FBH1: variants seen among roughly 807,000 people sequenced by gnomAD.
FBH1 encodes DNA 3'-5' helicase 1.
FBH1 carries 43 observed loss-of-function variants against 115.5 expected under a neutral mutation model. The observed-to-expected ratio is 0.37, with a 90% confidence interval of 0.29 to 0.48. FBH1 has a LOEUF of 0.48. Among genes scored for constraint, FBH1 ranks in the 20% least tolerant of loss-of-function variants. The pLI, the probability that FBH1 is intolerant of heterozygous loss-of-function variation, is 0.99. For missense variants in FBH1, 1,001 were observed against 1,337.3 expected, an observed-to-expected ratio of 0.75 and a Z score of 3.92; for synonymous variants, 524 against 507.8, an observed-to-expected ratio of 1.03 and a Z score of -0.43.
chr10:5,913,688 T>C lies in FBH1; in HGVS notation c.1212-59T>C. On this transcript the variant is annotated intron_variant, in intron 6 of 20. Transcript: ENST00000362091. The surrounding 1 kb of genome is among the most constrained non-coding windows in gnomAD (Gnocchi z 4.4). ...GAGTTTAAATCCATCTGAGGAAAAATAAGATGCAGATTGTGACTTGAATTT... is the reference window on the plus strand; with the variant it reads ...GAGTTTAAATCCATCTGAGGAAAAACAAGATGCAGATTGTGACTTGAATTT... The C allele has an allele frequency of 8.2e-7, 1 of 1,212,150 alleles. No individual in the cohort carries two copies. Among genetic ancestry groups the C allele is most frequent in the Non-Finnish European group, 1.1e-6 (1 of 871,924 alleles). The allele number at this position is 1,212,150 out of a possible 1,614,324, so 75.1% of individuals were successfully genotyped here. A position where few individuals can be genotyped will look rare whatever the true frequency, so the allele number is the denominator to read the frequency against.
intron 1 of FBH1, 83 bp downstream of exon 1, chr10:5,890,429 G>A (rs993513450): frequency 2.3e-5 from 8 of 352,584 alleles, no homozygotes; most frequent in Admixed American, 4.8e-5. Context: ...CCTGCGCGGG[G>A]GGTCCGGGCC....
intron 13 of FBH1, among the ~76,000 whole-genome samples, chr10:5,920,285 T>C (rs571608086): frequency 7.2e-5 from 11 of 152,354 alleles, no homozygotes; most frequent in Non-Finnish European, 1.5e-4. Context: ...TTTCATCACA[T>C]GGTGTTGAGG....
In FBH1 at chr10:5,915,598, T is replaced by G; in HGVS notation, c.1565+27T>G. ...TGAGTACTGCTGTCACTAGTGGCACTGTTGCTGCTGGCACGGTCGCGTCTT... is the reference window on the plus strand; with the variant it reads ...TGAGTACTGCTGTCACTAGTGGCACGGTTGCTGCTGGCACGGTCGCGTCTT... On this transcript the variant is annotated intron_variant, in intron 9 of 20. Transcript: ENST00000362091. This position sits in a 1 kb window ranked among gnomAD's most constrained non-coding sequence, Gnocchi z 5.2. 3.1e-6 allele frequency: 5 copies of G among 1,608,976 alleles called. No homozygotes were observed. Among genetic ancestry groups the G allele is most frequent in the Non-Finnish European group, 3.4e-6 (4 of 1,175,970 alleles).
In FBH1 at chr10:5,915,641, A is replaced by G; in HGVS notation, c.1565+70A>G. On this transcript the variant is annotated intron_variant, in intron 9 of 20. Coordinates refer to ENST00000362091, the MANE Select transcript of FBH1 (RefSeq NM_178150.3). This position sits in a 1 kb window ranked among gnomAD's most constrained non-coding sequence, Gnocchi z 5.2. ...CGCGTCTTACTGTTTTCCCGTGACG[A>G]TCACATGTGAGCTTACACCACAGTG... 6.9e-7 allele frequency: 1 copy of G among 1,447,590 alleles called. No individual in the cohort carries two copies. The highest frequency in any genetic ancestry group is 9.5e-7 in the Non-Finnish European group (1 of 1,047,884). 89.7% of individuals were successfully genotyped at this position (1,447,590 alleles called of 1,614,324 possible). A position where few individuals can be genotyped will look rare whatever the true frequency, so the allele number is the denominator to read the frequency against.
Position 5,914,993 on chromosome 10 carries a change from A to G in FBH1, c.1397-410A>G, listed in dbSNP as rs1564448937. 1.3e-5 allele frequency among the ~76,000 whole-genome samples: 2 copies of G among 152,164 alleles called. No individual in the cohort carries two copies. Among genetic ancestry groups the G allele is most frequent in the South Asian group, 4.1e-4 (2 of 4,828 alleles). ...CTTGCCCGGGGTTGAATAAGTGGAT[A>G]GGTGGTGGAGGTGGAATTCAAAGCT... On this transcript the variant is annotated intron_variant, in intron 8 of 20. Coordinates refer to ENST00000362091, the MANE Select transcript of FBH1 (RefSeq NM_178150.3). This position sits in a 1 kb window ranked among gnomAD's most constrained non-coding sequence, Gnocchi z 5.2.
In FBH1 at chr10:5,909,109, C is replaced by T; in HGVS notation, c.885-50C>T. On this transcript the variant is annotated intron_variant, in intron 4 of 20. Coordinates refer to ENST00000362091, the MANE Select transcript of FBH1 (RefSeq NM_178150.3). This position sits in a 1 kb window ranked among gnomAD's most constrained non-coding sequence, Gnocchi z 4.4. ...CGTCTTTGAAGTCTTCCTTGTACATCAGTGCTTATGGTCACCCTACTCATG... is the reference window on the plus strand; with the variant it reads ...CGTCTTTGAAGTCTTCCTTGTACATTAGTGCTTATGGTCACCCTACTCATG... 6.2e-7 allele frequency: 1 copy of T among 1,613,550 alleles called. No individual in the cohort carries two copies. The highest frequency in any genetic ancestry group is 8.5e-7 in the Non-Finnish European group (1 of 1,179,876).
chr10:5,909,453 G>A lies in FBH1; in HGVS notation c.1020+159G>A, dbSNP rs1312095080. The A allele has an allele frequency of 1.5e-5, 13 of 842,748 alleles. No individual in the cohort carries two copies. The highest frequency in any genetic ancestry group is 2.3e-5 in the Non-Finnish European group (13 of 569,646). 52.2% of individuals were successfully genotyped at this position (842,748 alleles called of 1,614,324 possible). On this transcript the variant is annotated intron_variant, in intron 5 of 20. Transcript: ENST00000362091. The surrounding 1 kb of genome is among the most constrained non-coding windows in gnomAD (Gnocchi z 4.4). ...ATTCATGTTGTCATTGTCCCCAGTG[G>A]AGAAATAAAAGGCCATATAATTGTA...
chr10:5,916,004 G>A, intron 9 of FBH1: 1 of 550,716 alleles, frequency 1.8e-6, no homozygotes, highest in South Asian at 2.1e-5. Flanking sequence ...TGGTGGAATA[G>A]CAGTGTCTGC....
At position 5,906,473 on chromosome 10, in the gene FBH1, G is replaced by A. The variant is rs1034553709; in HGVS notation, c.594G>A (p.Gly198=). ...GPDPIPDSYY[G]LLGTLPCQEA... ...ATCCCATTCCTGACTCATACTATGG[G>A]CTTCTTGGGACCTTGCCCTGCCAGG... Residue 198 remains glycine, a synonymous_variant, in exon 3 of 21, where the codon GGG becomes GGA. Transcript: ENST00000362091. This position sits in a 1 kb window ranked among gnomAD's most constrained non-coding sequence, Gnocchi z 7.3. The A allele has an allele frequency of 6.2e-7, 1 of 1,614,146 alleles. No homozygotes were observed. Among genetic ancestry groups the A allele is most frequent in the Admixed American group, 1.7e-5 (1 of 60,014 alleles).
In FBH1 at chr10:5,906,368, G is replaced by A; in HGVS notation, c.489G>A (p.Arg163=). 1 of 1,614,204 alleles carries A rather than the reference G, an allele frequency of 6.2e-7. No individual in the cohort carries two copies. The highest frequency in any genetic ancestry group is 8.5e-7 in the Non-Finnish European group (1 of 1,179,998). ...SVPCTRPREA[R]QEAEDSTSRL... is the part of the protein sequence containing the mutation. The stretch of plus-strand genomic sequence containing the variant: ...CATGCACAAGGCCTAGGGAGGCCAG[G>A]CAAGAAGCAGAGGACAGTACGTCTC... The change falls in exon 3 of 21, where the codon AGG becomes AGA. Residue 163 remains arginine (R), a synonymous_variant. Coordinates refer to ENST00000362091, the MANE Select transcript of FBH1 (RefSeq NM_178150.3). This position sits in a 1 kb window ranked among gnomAD's most constrained non-coding sequence, Gnocchi z 7.3.
In FBH1 at chr10:5,895,306, C is replaced by T; in HGVS notation, c.1+4960C>T. ...TGGGTATGGTATTGTAGCAGTTTCT[C>T]CAGTCAGGTACCTTGTACTAGCGAG... On this transcript the variant is annotated intron_variant, in intron 1 of 20. Transcript: ENST00000362091. This position sits in a 1 kb window ranked among gnomAD's most constrained non-coding sequence, Gnocchi z 5.0. 4.6e-6 allele frequency: 5 copies of T among 1,088,632 alleles called. No homozygotes were observed. In the South Asian group the frequency reaches 7.9e-5, roughly 17 times the overall value. The allele number at this position is 1,088,632 out of a possible 1,614,324, so 67.4% of individuals were successfully genotyped here.
At position 5,914,405 on chromosome 10, in the gene FBH1, C is replaced by A; in HGVS notation, c.1396+136C>A. 2.7e-6 allele frequency: 2 copies of A among 746,158 alleles called. No homozygotes were observed. Among genetic ancestry groups the A allele is most frequent in the Non-Finnish European group, 4.5e-6 (2 of 442,244 alleles). 46.2% of individuals were successfully genotyped at this position (746,158 alleles called of 1,614,324 possible). ...ATAATTCAATAACAGATCAAATAAT[C>A]AATCTCAAAAGCAATTGGCCAAGGA... On this transcript the variant is annotated intron_variant, in intron 8 of 20. Coordinates refer to ENST00000362091, the MANE Select transcript of FBH1 (RefSeq NM_178150.3). This position sits in a 1 kb window ranked among gnomAD's most constrained non-coding sequence, Gnocchi z 5.2.
At position 5,921,586 on chromosome 10, in the gene FBH1, G is replaced by A. The variant is rs573460283; in HGVS notation, c.2322+17G>A. ...TTGATTGGGGTAAGAGTACATTTCT[G>A]TTGACCACTTCATGCACAGAAACGT... On this transcript the variant is annotated intron_variant, in intron 15 of 20. Transcript: ENST00000362091. The surrounding 1 kb of genome is among the most constrained non-coding windows in gnomAD (Gnocchi z 6.4). The A allele has an allele frequency of 1.2e-4, 189 of 1,588,608 alleles. No individual in the cohort carries two copies. The highest frequency in any genetic ancestry group is 1.3e-4 in the Non-Finnish European group (157 of 1,173,974).
rs752242151 is a variant in FBH1, at chr10:5,906,684, G to A, written c.753+52G>A. ...GTTTCCTCTAAAAGCACGTAACTTT[G>A]CTTAATGCACGCTTATAATCAGAGG... On this transcript the variant is annotated intron_variant, in intron 3 of 20. Transcript: ENST00000362091. This position sits in a 1 kb window ranked among gnomAD's most constrained non-coding sequence, Gnocchi z 7.3. 2 of 1,409,132 alleles carry A rather than the reference G, an allele frequency of 1.4e-6. No homozygotes were observed. The highest frequency in any genetic ancestry group is 2.5e-5 in the South Asian group (2 of 79,868). 87.3% of individuals were successfully genotyped at this position (1,409,132 alleles called of 1,614,324 possible).
intron 1 of FBH1, among the ~76,000 whole-genome samples, chr10:5,892,041 A>C (rs566885037): frequency 6.7e-6 from 1 of 150,172 alleles, no homozygotes; most frequent in African/African-American, 2.5e-5. Flanking sequence ...ATGATAATGT[A>C]TGTGAATCTG....
At position 5,900,780 on chromosome 10, in the gene FBH1, G is replaced by C. The variant is rs1564433497; in HGVS notation, c.2-2240G>C. 6.6e-6 allele frequency among the ~76,000 whole-genome samples: 1 copy of C among 152,136 alleles called. No homozygotes were observed. Among genetic ancestry groups the C allele is most frequent in the Non-Finnish European group, 1.5e-5 (1 of 68,022 alleles). ...ATATCAGCTAAATCACTGGGGTCTT[G>C]GCTTTATGTATTTTCAAGCTTAAAG... On this transcript the variant is annotated intron_variant, in intron 1 of 20. Coordinates refer to ENST00000362091, the MANE Select transcript of FBH1 (RefSeq NM_178150.3). This position sits in a 1 kb window ranked among gnomAD's most constrained non-coding sequence, Gnocchi z 4.2.
Position 5,897,327 on chromosome 10 carries a change from G to A in FBH1, c.2-5693G>A, listed in dbSNP as rs962893648. On this transcript the variant is annotated intron_variant, in intron 1 of 20. Transcript: ENST00000362091. This position sits in a 1 kb window ranked among gnomAD's most constrained non-coding sequence, Gnocchi z 4.7. ...GTCTTCTCCTGCACCCCACAGCCTC[G>A]GAGGGGCTTTAAGGGAACATTAAGT... 8.5e-5 allele frequency among the ~76,000 whole-genome samples: 13 copies of A among 152,196 alleles called. No individual in the cohort carries two copies. The South Asian group carries it at 1.0e-3, about 12-fold the overall frequency.
Position 5,924,003 on chromosome 10 carries a change from A to G in FBH1, c.2398+307A>G. On this transcript the variant is annotated intron_variant, in intron 16 of 20. Transcript: ENST00000362091. This position sits in a 1 kb window ranked among gnomAD's most constrained non-coding sequence, Gnocchi z 6.2. ...CGTTGATACTTCCACGTGGGCCCCA[A>G]GTGATAGCGTCGAGCATTTCTATAG... 3.6e-6 allele frequency: 2 copies of G among 559,944 alleles called. No individual in the cohort carries two copies. The highest frequency in any genetic ancestry group is 2.2e-5 in the South Asian group (1 of 44,610). 34.7% of individuals were successfully genotyped at this position (559,944 alleles called of 1,614,324 possible). A position where few individuals can be genotyped will look rare whatever the true frequency, so the allele number is the denominator to read the frequency against.
In FBH1 at chr10:5,913,669, A is replaced by T; in HGVS notation, c.1212-78A>T. On this transcript the variant is annotated intron_variant, in intron 6 of 20. Coordinates refer to ENST00000362091, the MANE Select transcript of FBH1 (RefSeq NM_178150.3). The surrounding 1 kb of genome is among the most constrained non-coding windows in gnomAD (Gnocchi z 4.4). ...TCTTTTTAGAAATGGGAAGGAGTTT[A>T]AATCCATCTGAGGAAAAATAAGATG... The T allele has an allele frequency of 4.0e-6, 4 of 1,004,790 alleles. No homozygotes were observed. Among genetic ancestry groups the T allele is most frequent in the Non-Finnish European group, 5.8e-6 (4 of 689,670 alleles). The allele number at this position is 1,004,790 out of a possible 1,614,324, so 62.2% of individuals were successfully genotyped here. A position where few individuals can be genotyped will look rare whatever the true frequency, so the allele number is the denominator to read the frequency against.
Sources: gnomAD v4.1 joint callset for allele counts (sites outside exome capture counted in the v4.1 genomes callset) on GRCh38, gnomAD v4.1.1 for gene constraint, Gnocchi (gnomAD v3.1) non-coding constraint, MANE v1.5 for transcripts, NCBI Gene and HGNC (gene_info 2026-07-23, HGNC 2026-07-21) for gene names.